Variants in PLXNB2 observed in about 807,000 individuals in gnomAD.
PLXNB2 encodes the protein plexin B2, also known as plexin-B2.
In PLXNB2, 85 loss-of-function variants were observed where a neutral mutation model predicts 202.6. The observed-to-expected ratio is 0.42, with a 90% confidence interval of 0.35 to 0.50. PLXNB2 has a LOEUF of 0.50. PLXNB2 is among the 20% of genes least tolerant of loss of function. The pLI is 0.02. For synonymous variants in PLXNB2, 1,239 were observed against 1,137.6 expected, an observed-to-expected ratio of 1.09 and a Z score of -1.79; for missense variants, 2,063 against 2,586.2, an observed-to-expected ratio of 0.80 and a Z score of 4.39.
chr22:50,280,729 C>G lies in PLXNB2; in HGVS notation c.3993+15G>C, dbSNP rs376023105. Reference sequence around the variant, plus strand: ...CCACCTGTGTGCCCTCCCGCCCGCCCGACGCCTGGCTCACATTGATGAGGA... The same window carrying G: ...CCACCTGTGTGCCCTCCCGCCCGCCGGACGCCTGGCTCACATTGATGAGGA... On this transcript the variant is annotated intron_variant, in intron 24 of 36. Transcript: ENST00000359337. 2 of 1,579,152 alleles carry G rather than the reference C, an allele frequency of 1.3e-6. No individual in the cohort carries two copies. The highest frequency in any genetic ancestry group is 8.6e-7 in the Non-Finnish European group (1 of 1,162,048).
chr22:50,280,721 C>A (rs776338943), intron 24 of PLXNB2, 23 bp downstream of exon 24: 6 of 1,559,284 alleles, frequency 3.8e-6, no homozygotes, highest in East Asian at 4.8e-5. Context: ...TGTGCCCTCC[C>A]GCCCGCCCGA....
chr22:50,284,969 G>A lies in PLXNB2; in HGVS notation c.2089-304C>T. Reference sequence around the variant, plus strand: ...GTGGCCCCCACAGCTCCCTCCTCAGGAGGTGGCACTGGCCCCTCAATCTCC... The same window carrying A: ...GTGGCCCCCACAGCTCCCTCCTCAGAAGGTGGCACTGGCCCCTCAATCTCC... On this transcript the variant is annotated intron_variant, in intron 11 of 36. Coordinates refer to ENST00000359337, the MANE Select transcript of PLXNB2 (RefSeq NM_012401.4). This position sits in a 1 kb window ranked among gnomAD's most constrained non-coding sequence, Gnocchi z 8.0. The A allele has an allele frequency of 1.9e-6, 1 of 517,246 alleles. No homozygotes were observed. The highest frequency in any genetic ancestry group is 3.0e-4 in the Middle Eastern group (1 of 3,338). The allele number at this position is 517,246 out of a possible 1,614,324, so 32.0% of individuals were successfully genotyped here.
chr22:50,292,098 G>A (rs979299127), intron 2 of PLXNB2, among the ~76,000 whole-genome samples: 1 of 152,180 alleles, frequency 6.6e-6, no homozygotes, highest in Non-Finnish European at 1.5e-5. Flanking sequence ...AGCACCTTGG[G>A]AGGCCGAGGC....
chr22:50,283,726 C>G lies in PLXNB2; in HGVS notation c.2446G>C (p.Gly816Arg), dbSNP rs368997252. 4.3e-6 allele frequency: 7 copies of G among 1,612,996 alleles called. No individual in the cohort carries two copies. In the African/African-American group the frequency reaches 9.3e-5, roughly 22 times the overall value. The change falls in exon 15 of 37, where the codon GGT (glycine) becomes CGT (arginine). Residue 816 changes from glycine to arginine, a missense_variant. Coordinates refer to ENST00000359337, the MANE Select transcript of PLXNB2 (RefSeq NM_012401.4). ...TRIQPETGPLGGGIRITILGS... is the reference protein window; with the variant it reads ...TRIQPETGPLRGGIRITILGS... ...AGGATGGTGATGCGGATGCCCCCACCCAGGGGGCCCGTCTCAGGCTGGATC... is the reference window on the plus strand; with the variant it reads ...AGGATGGTGATGCGGATGCCCCCACGCAGGGGGCCCGTCTCAGGCTGGATC...
intron 1 of PLXNB2, among the ~76,000 whole-genome samples, chr22:50,296,473 G>A (rs1279159395): frequency 1.3e-5 from 2 of 151,272 alleles, no homozygotes; most frequent in East Asian, 3.9e-4. Flanking sequence ...AGGCACGGTG[G>A]CTCACGCCTG....
In PLXNB2 at chr22:50,278,662, C is replaced by G. The variant is rs375985220; in HGVS notation, c.4581G>C (p.Ser1527=). The part of the protein sequence containing the change: ...WRPGSTAQIL[S]DLDLTSQREG... Reference sequence around the variant, plus strand: ...CCCGCTGTGACGTCAGGTCCAGGTCCGACAGGATCTGCGCTGTGGAGCCCG... The same window carrying G: ...CCCGCTGTGACGTCAGGTCCAGGTCGGACAGGATCTGCGCTGTGGAGCCCG... Residue 1527 remains serine, a synonymous_variant, in exon 29 of 37, where the codon TCG becomes TCC. Transcript: ENST00000359337. The G allele has an allele frequency of 6.2e-7, 1 of 1,612,622 alleles. No individual in the cohort carries two copies. Among genetic ancestry groups the G allele is most frequent in the Non-Finnish European group, 8.5e-7 (1 of 1,179,774 alleles).
chr22:50,303,482 G>A (rs959492099), intron 1 of PLXNB2, among the ~76,000 whole-genome samples: 1 of 152,192 alleles, frequency 6.6e-6, no homozygotes, highest in African/African-American at 2.4e-5. Flanking sequence ...AGGTCACCTG[G>A]GAAGAGAGCC....
chr22:50,294,382 AC>A (rs200010335), intron 2 of PLXNB2, among the ~76,000 whole-genome samples: 3 of 149,226 alleles, frequency 2.0e-5, no homozygotes, highest in South Asian at 2.1e-4. Context: ...CTGCACAGGC[AC>A]CCCCCCACCA....
chr22:50,277,280 G>A (rs559403695), intron 33 of PLXNB2, among the ~76,000 whole-genome samples: 38 of 148,258 alleles, frequency 2.6e-4, no homozygotes, highest in East Asian at 9.9e-4. Flanking sequence ...CAGCCTGGGC[G>A]ACAGAGAGAG....
At chr22:50,287,824 G>C in intron 6 of PLXNB2, 31 bp from the exon 7 acceptor site, 2 of 1,595,768 alleles carry the variant, frequency 1.3e-6, no homozygotes, top group Non-Finnish European at 1.7e-6. Context: ...CTCAGCCCAG[G>C]GTGGAGTCTT....
chr22:50,289,194 C>G lies in PLXNB2; in HGVS notation c.1069-52G>C, dbSNP rs2147518951. On this transcript the variant is annotated intron_variant, in intron 3 of 36. Transcript: ENST00000359337. This position sits in a 1 kb window ranked among gnomAD's most constrained non-coding sequence, Gnocchi z 8.0. ...GGCAGACCCCCTGTCCTGAAGGGCCCTCTCCACTCGCGCTCCAAGACTCGG... is the reference window on the plus strand; with the variant it reads ...GGCAGACCCCCTGTCCTGAAGGGCCGTCTCCACTCGCGCTCCAAGACTCGG... 1 of 1,446,708 alleles carries G rather than the reference C, an allele frequency of 6.9e-7. No individual in the cohort carries two copies. The highest frequency in any genetic ancestry group is 1.4e-5 in the African/African-American group (1 of 70,856). The allele number at this position is 1,446,708 out of a possible 1,614,324, so 89.6% of individuals were successfully genotyped here.
intron 8 of PLXNB2, 119 bp downstream of exon 8, chr22:50,286,992 A>C: frequency 9.9e-7 from 1 of 1,014,284 alleles, no homozygotes; most frequent in Non-Finnish European, 1.3e-6. Context: ...CCCCCGGAGC[A>C]GCCGCGGAGT....
Position 50,286,248 on chromosome 22 carries a change from C to T in PLXNB2, c.1802G>A (p.Gly601Asp). 6.2e-7 allele frequency: 1 copy of T among 1,613,256 alleles called. No individual in the cohort carries two copies. The highest frequency in any genetic ancestry group is 1.7e-5 in the Admixed American group (1 of 60,028). ...CTGGTAGGACGTGAGGAAGATGTTG[C>T]CTCGTCTAAGGAGGAGCTGGATGGT... ...AVTIQLLLRR[G>D]NIFLTSYQYP... The change falls in exon 9 of 37, where the codon GGC (glycine) becomes GAC (aspartate). Residue 601 changes from glycine to aspartate, a missense_variant. Transcript: ENST00000359337.
rs917921535 is a variant in PLXNB2, at chr22:50,297,764, G to A, written c.-73-2986C>T. 1.3e-5 allele frequency among the ~76,000 whole-genome samples: 2 copies of A among 152,188 alleles called. No homozygotes were observed. Among genetic ancestry groups the A allele is most frequent in the South Asian group, 2.1e-4 (1 of 4,832 alleles). On this transcript the variant is annotated intron_variant, in intron 1 of 36. Transcript: ENST00000359337. The surrounding 1 kb of genome is among the most constrained non-coding windows in gnomAD (Gnocchi z 5.3). ...TGAGTTCACACCCCAGCTCTGTCAC[G>A]TTCTAGCTGGCTCATGTGGGCCATT...
chr22:50,292,439 G>A (rs563187680), intron 2 of PLXNB2, among the ~76,000 whole-genome samples: 32 of 151,408 alleles, frequency 2.1e-4, no homozygotes, highest in Admixed American at 8.5e-4. Context: ...GGCTGACCAC[G>A]ACAGCCTGTG....
At chr22:50,300,463 C>G in intron 1 of PLXNB2, 1 of 313,444 alleles carries the variant, frequency 3.2e-6, no homozygotes, top group Non-Finnish European at 4.6e-6. Flanking sequence ...CAGCCTCCCG[C>G]AGGACTCCGG....
chr22:50,305,703 G>A (rs982871575), intron 1 of PLXNB2, among the ~76,000 whole-genome samples: 2 of 152,098 alleles, frequency 1.3e-5, no homozygotes, highest in African/African-American at 2.4e-5. Context: ...TCCCTGGCAC[G>A]CACAGGTCAC....
At chr22:50,307,092 C>T (rs934219858) in intron 1 of PLXNB2, among the ~76,000 whole-genome samples, 3 of 152,154 alleles carry the variant, frequency 2.0e-5, no homozygotes, top group Admixed American at 1.3e-4. Flanking sequence ...GGTGCGGGTG[C>T]TCTCCGCCCT....
Position 50,283,648 on chromosome 22 carries a change from C to G in PLXNB2, c.2524G>C (p.Gly842Arg). 1 of 1,613,142 alleles carries G rather than the reference C, an allele frequency of 6.2e-7. No homozygotes were observed. ...AGDIQRISVA[G>R]RNCSFQPERY... ...TCCGGCTGAAAGGAGCAGTTCCGGC[C>G]GGCCACAGAGATCCTCTGGATGTCC... is the stretch of plus-strand genomic sequence containing the variant. The change falls in exon 15 of 37, where the codon GGC becomes CGC. Residue 842 changes from glycine (G) to arginine (R), a missense_variant. By Grantham distance (125) the Gly-to-Arg change is moderately radical (BLOSUM62 -2). Around this residue, in one of 2 missense-constraint regions of PLXNB2, gnomAD observed 1,303 missense variants for 1,476.8 expected, o/e 0.88. Transcript: ENST00000359337.
Sources: allele counts gnomAD v4.1 joint callset (sites outside exome capture counted in the v4.1 genomes callset), GRCh38; gene constraint gnomAD v4.1.1; regional missense constraint gnomAD v4.1.1; non-coding constraint Gnocchi (gnomAD v3.1); transcripts MANE v1.5; gene names NCBI Gene and HGNC (gene_info 2026-07-23, HGNC 2026-07-21).